MAML3: variants seen among roughly 807,000 people sequenced by gnomAD.
The protein encoded by MAML3 is mastermind-like protein 3.
Under a neutral mutation model 101.9 loss-of-function variants are expected in MAML3, and 27 were observed. That is an observed-to-expected ratio of 0.27 (90% CI 0.20 to 0.37). MAML3 has a LOEUF of 0.37. MAML3 is among the 10% of genes least tolerant of loss of function. The probability of loss-of-function intolerance (pLI) is 1.00; values close to 1 mark genes in which losing one functional copy is unlikely to be tolerated. For missense variants in MAML3, 1,316 were observed against 1,444.9 expected, an observed-to-expected ratio of 0.91 and a Z score of 1.45; for synonymous variants, 501 against 555.9, an observed-to-expected ratio of 0.90 and a Z score of 1.39.
intron 1 of MAML3, among the ~76,000 whole-genome samples, chr4:139,939,606 CA>C (rs1733562826): frequency 6.6e-6 from 1 of 152,116 alleles, no homozygotes; most frequent in African/African-American, 2.4e-5. Flanking sequence ...CCTTCCATAG[CA>C]CCTTGTTAAT....
intron 1 of MAML3, among the ~76,000 whole-genome samples, chr4:140,029,970 C>T (rs906118089): frequency 6.6e-6 from 1 of 152,142 alleles, no homozygotes; most frequent in Non-Finnish European, 1.5e-5. Flanking sequence ...TGAGTGACAG[C>T]CACTCACACA....
chr4:139,801,239 T>C (rs999923633), intron 2 of MAML3, among the ~76,000 whole-genome samples: 5 of 152,236 alleles, frequency 3.3e-5, no homozygotes, highest in African/African-American at 9.6e-5. Flanking sequence ...AGATAAAATA[T>C]AGAACACCCA....
chr4:139,833,505 G>C (rs1258788893), intron 2 of MAML3, among the ~76,000 whole-genome samples: 2 of 151,790 alleles, frequency 1.3e-5, no homozygotes, highest in South Asian at 4.1e-4. Context: ...AGGAAGAAGG[G>C]GGGCAGCCAA....
chr4:139,829,428 G>C (rs1365232942), intron 2 of MAML3, among the ~76,000 whole-genome samples: 1 of 152,180 alleles, frequency 6.6e-6, no homozygotes, highest in Non-Finnish European at 1.5e-5. Flanking sequence ...GCCTGTGTTT[G>C]AGGAACTGGC....
intron 1 of MAML3, among the ~76,000 whole-genome samples, chr4:140,005,440 G>A (rs1413695303): frequency 6.6e-6 from 1 of 152,220 alleles, no homozygotes; most frequent in Non-Finnish European, 1.5e-5. Context: ...GACTAGATCT[G>A]TTTAAAACCA....
chr4:139,818,980 G>A (rs1055864215), intron 2 of MAML3, among the ~76,000 whole-genome samples: 1 of 152,150 alleles, frequency 6.6e-6, no homozygotes, highest in African/African-American at 2.4e-5. Flanking sequence ...CTTATTAAGT[G>A]CCTATTGTAT....
intron 2 of MAML3, among the ~76,000 whole-genome samples, chr4:139,852,179 C>T (rs752657303): frequency 1.3e-5 from 2 of 152,150 alleles, no homozygotes; most frequent in East Asian, 1.9e-4. Context: ...AGCATATCCT[C>T]GCCAGGGTAC....
intron 2 of MAML3, among the ~76,000 whole-genome samples, chr4:139,821,053 C>T (rs146954825): frequency 0.01 from 1,534 of 152,258 alleles, 11 homozygotes; most frequent in African/African-American, 0.021. Context: ...AAAACCATTG[C>T]CAAATTGATC....
At chr4:139,828,518 G>A (rs187774905) in intron 2 of MAML3, among the ~76,000 whole-genome samples, 11 of 152,294 alleles carry the variant, frequency 7.2e-5, no homozygotes, top group Non-Finnish European at 1.5e-5. Flanking sequence ...GGCATTGTCT[G>A]GATAGTGGAA....
At chr4:139,818,726 T>C (rs1258809113) in intron 2 of MAML3, among the ~76,000 whole-genome samples, 1 of 152,200 alleles carries the variant, frequency 6.6e-6, no homozygotes, top group Non-Finnish European at 1.5e-5. Context: ...AAATGGGATA[T>C]TATATGGAAA....
chr4:139,725,069 T>C (rs569231684), intron 4 of MAML3, among the ~76,000 whole-genome samples: 3 of 152,164 alleles, frequency 2.0e-5, no homozygotes, highest in Non-Finnish European at 4.4e-5. Context: ...AAGGGCTCTC[T>C]CTATTAGAGA....
chr4:139,895,110 C>A (rs554843171), intron 1 of MAML3, among the ~76,000 whole-genome samples: 2 of 152,306 alleles, frequency 1.3e-5, no homozygotes, highest in Admixed American at 1.3e-4. Context: ...TACAGTCAGG[C>A]AGTTCTGGCT....
intron 1 of MAML3, among the ~76,000 whole-genome samples, chr4:140,008,345 C>T (rs1726492208): frequency 6.6e-6 from 1 of 151,660 alleles, no homozygotes; most frequent in East Asian, 1.9e-4. Flanking sequence ...GAAACTCAGT[C>T]TCAATTAAAA....
chr4:139,935,294 T>C (rs1733486687), intron 1 of MAML3, among the ~76,000 whole-genome samples: 1 of 151,400 alleles, frequency 6.6e-6, no homozygotes, highest in Non-Finnish European at 1.5e-5. Context: ...CCATCAGCCA[T>C]AAGTGCAATA....
At chr4:139,720,675 T>C (rs377659245) in intron 4 of MAML3, among the ~76,000 whole-genome samples, 5 of 152,352 alleles carry the variant, frequency 3.3e-5, no homozygotes, top group African/African-American at 1.2e-4. Flanking sequence ...CAGATCCTGA[T>C]GTAATTCTTG....
chr4:139,860,288 C>T (rs72712503), intron 2 of MAML3, among the ~76,000 whole-genome samples: 40,618 of 152,188 alleles, frequency 0.27, 6,866 homozygotes, highest in East Asian at 0.68. Context: ...CGTTCTTCTG[C>T]AGATAGTCCC....
chr4:139,725,924 G>C, intron 3 of MAML3, 89 bp from the exon 4 acceptor site: 1 of 1,083,760 alleles, frequency 9.2e-7, no homozygotes, highest in South Asian at 1.3e-5. Flanking sequence ...GGAAGGTAGT[G>C]TTTTCCCCAA....
At chr4:139,893,134 T>G (rs1172008692) in intron 1 of MAML3, among the ~76,000 whole-genome samples, 4 of 152,184 alleles carry the variant, frequency 2.6e-5, no homozygotes. Flanking sequence ...AGCCTAGAAT[T>G]CTTTCACCTT....
chr4:139,847,052 T>C (rs1731464031), intron 2 of MAML3, among the ~76,000 whole-genome samples: 1 of 152,218 alleles, frequency 6.6e-6, no homozygotes, highest in Admixed American at 6.5e-5. Flanking sequence ...TGGGACTGAG[T>C]GCTGACTGAT....
Sources: gnomAD v4.1 joint callset for allele counts (sites outside exome capture counted in the v4.1 genomes callset) on GRCh38, gnomAD v4.1.1 for gene constraint, MANE v1.5 for transcripts, NCBI Gene and HGNC (gene_info 2026-07-23, HGNC 2026-07-21) for gene names.